Variants in CCPG1 observed in about 807,000 individuals in gnomAD.
CCPG1 encodes cell cycle progression protein 1.
Under a neutral mutation model 81.3 loss-of-function variants are expected in CCPG1, and 46 were observed. The observed-to-expected ratio is 0.57, with a 90% confidence interval of 0.45 to 0.72. CCPG1 has a LOEUF of 0.72. Among genes scored for constraint, CCPG1 ranks in the 30% least tolerant of loss-of-function variants. The pLI, the probability that CCPG1 is intolerant of heterozygous loss-of-function variation, is 0.00. For missense variants in CCPG1, 902 were observed against 937.6 expected, an observed-to-expected ratio of 0.96 and a Z score of 0.50; for synonymous variants, 330 against 305.2, an observed-to-expected ratio of 1.08 and a Z score of -0.85.
At chr15:55,363,745 A>T (rs1198350934) in intron 7 of CCPG1, among the ~76,000 whole-genome samples, 1 of 148,496 alleles carries the variant, frequency 6.7e-6, no homozygotes, top group Admixed American at 6.7e-5. Flanking sequence ...AAGTGTGAGA[A>T]TTGGGGGTGG....
chr15:55,362,380 A>G (rs1452675934), intron 7 of CCPG1, among the ~76,000 whole-genome samples: 4 of 152,150 alleles, frequency 2.6e-5, no homozygotes, highest in Non-Finnish European at 4.4e-5. Flanking sequence ...TGACACTAAT[A>G]TACACTTGAA....
intron 3 of CCPG1, among the ~76,000 whole-genome samples, chr15:55,385,269 G>A (rs1469058709): frequency 2.6e-5 from 4 of 152,152 alleles, no homozygotes; most frequent in South Asian, 4.1e-4. Flanking sequence ...AGGTTCAAGC[G>A]ATTCTCCTGC....
chr15:55,404,530 C>T (rs1241238752), intron 1 of CCPG1, among the ~76,000 whole-genome samples: 2 of 152,102 alleles, frequency 1.3e-5, no homozygotes, highest in African/African-American at 4.8e-5. Flanking sequence ...TGGTTCTGAA[C>T]GTGATTCAAT....
chr15:55,374,145 G>T (rs1323018355), intron 5 of CCPG1: 1 of 1,283,644 alleles, frequency 7.8e-7, no homozygotes, highest in Non-Finnish European at 1.0e-6. Context: ...GTCAGATTTA[G>T]TCACACCACC....
At chr15:55,356,947 C>T in intron 8 of CCPG1, 1 of 985,630 alleles carries the variant, frequency 1.0e-6, no homozygotes, top group Non-Finnish European at 1.2e-6. Flanking sequence ...TTCCGCACAT[C>T]AACTTTTTAA....
rs531476250 is a variant in CCPG1, at chr15:55,376,714, T to C, written c.454+235A>G. On this transcript the variant is annotated intron_variant, in intron 5 of 8. Coordinates refer to ENST00000442196, the MANE Select transcript of CCPG1 (RefSeq NM_001204450.2). The stretch of plus-strand genomic sequence containing the variant: ...TTTAACAAATCTCACTGAAGCAATT[T>C]TGTCTTCTATTTAATGGCAAAAGAT... 3.3e-5 allele frequency among the ~76,000 whole-genome samples: 5 copies of C among 152,304 alleles called. No homozygotes were observed. The South Asian group carries it at 1.0e-3, about 32-fold the overall frequency.
Position 55,376,974 on chromosome 15 carries a change from C to T in CCPG1, c.429G>A (p.Gln143=), listed in dbSNP as rs751212726. 5.6e-6 allele frequency: 9 copies of T among 1,613,206 alleles called. No homozygotes were observed. In the African/African-American group the frequency reaches 1.2e-4, roughly 22 times the overall value. Residue 143 remains glutamine (Q), a synonymous_variant, in exon 5 of 9, where the codon CAG becomes CAA. Coordinates refer to ENST00000442196, the MANE Select transcript of CCPG1 (RefSeq NM_001204450.2). The part of the protein sequence containing the change: ...DFNMGSSSSS[Q]YTFCQPETVF... ...CAGTTTCTGGCTGACAGAAAGTATA[C>T]TGGCTGCTAGAGGAAGAGCCCATGT...
At chr15:55,406,142 G>A (rs899141497) in intron 1 of CCPG1, among the ~76,000 whole-genome samples, 1 of 152,146 alleles carries the variant, frequency 6.6e-6, no homozygotes, top group East Asian at 1.9e-4. Context: ...TGGGATTACA[G>A]GCATGAGCCA....
intron 6 of CCPG1, among the ~76,000 whole-genome samples, chr15:55,369,511 G>A (rs2056404277): frequency 6.6e-6 from 1 of 151,650 alleles, no homozygotes; most frequent in African/African-American, 2.4e-5. Flanking sequence ...TCCAGCCTGG[G>A]CAACAAGAGC....
At chr15:55,405,535 ACT>A (rs1206342085) in intron 1 of CCPG1, among the ~76,000 whole-genome samples, 1 of 151,738 alleles carries the variant, frequency 6.6e-6, no homozygotes, top group African/African-American at 2.4e-5. Context: ...ATAGAGCAAG[ACT>A]CTGTCTCAAA....
At chr15:55,397,919 G>A (rs190718811) in intron 1 of CCPG1, among the ~76,000 whole-genome samples, 32 of 152,158 alleles carry the variant, frequency 2.1e-4, no homozygotes, top group Non-Finnish European at 3.8e-4. Context: ...GGAGGTTGCA[G>A]TGAGCCGAGA....
chr15:55,368,657 G>A (rs1214707426), intron 6 of CCPG1, among the ~76,000 whole-genome samples: 3 of 152,138 alleles, frequency 2.0e-5, no homozygotes, highest in Admixed American at 6.6e-5. Context: ...TAAAACTTCT[G>A]GAAGCATTTT....
intron 1 of CCPG1, chr15:55,399,702 A>C (rs1044533841): frequency 6.6e-6 from 1 of 152,228 alleles, no homozygotes; most frequent in Non-Finnish European, 1.5e-5. Flanking sequence ...AGTAATTCAA[A>C]TTATCTAGGT....
At position 55,359,728 on chromosome 15, in the gene CCPG1, T is replaced by C. The variant is rs191441883; in HGVS notation, c.2045A>G (p.Asn682Ser). 4.2e-3 allele frequency: 6,830 copies of C among 1,613,632 alleles called. 33 individuals are homozygous for C. Among genetic ancestry groups the C allele is most frequent in the South Asian group, 5.4e-3 (489 of 91,078 alleles). Residue 682 changes from asparagine (N) to serine (S), a missense_variant, in exon 8 of 9, where the codon AAT becomes AGT. Around this residue, in one of 3 missense-constraint regions of CCPG1, gnomAD observed 128 missense variants for 161.2 expected, o/e 0.79. Transcript: ENST00000442196. Reference protein sequence around the residue: ...CHWNELDQFINKFFLNGVFIH... With the variant: ...CHWNELDQFISKFFLNGVFIH... ...AAAGACACCGTTTAGGAAAAACTTATTGATGAACTGATCAAGTTCGTTCCA... is the reference window on the plus strand; with the variant it reads ...AAAGACACCGTTTAGGAAAAACTTACTGATGAACTGATCAAGTTCGTTCCA...
chr15:55,391,358 C>T (rs954044984), intron 1 of CCPG1, among the ~76,000 whole-genome samples: 4 of 152,172 alleles, frequency 2.6e-5, no homozygotes, highest in Admixed American at 1.3e-4. Context: ...TCAAGCAATC[C>T]GCCCTCCTCA....
chr15:55,399,545 T>C (rs1377015289), intron 1 of CCPG1, among the ~76,000 whole-genome samples: 4 of 151,798 alleles, frequency 2.6e-5, no homozygotes, highest in Non-Finnish European at 5.9e-5. Context: ...GCCAAGATTG[T>C]GCCACTGCAC....
intron 1 of CCPG1, among the ~76,000 whole-genome samples, chr15:55,401,913 T>G (rs2057137003): frequency 6.6e-6 from 1 of 152,204 alleles, no homozygotes; most frequent in South Asian, 2.1e-4. Context: ...ATGGCTGAAG[T>G]AATTTAATTG....
chr15:55,407,690 G>A lies in CCPG1; in HGVS notation c.-10+531C>T, dbSNP rs2057264427. On this transcript the variant is annotated intron_variant, in intron 1 of 8. Coordinates refer to ENST00000442196, the MANE Select transcript of CCPG1 (RefSeq NM_001204450.2). The stretch of plus-strand genomic sequence containing the variant: ...GCCACTGGAACTGGAGAAGGATATG[G>A]AGAGGTATTTGATCATCATCAGGCT... 3.3e-5 allele frequency among the ~76,000 whole-genome samples: 5 copies of A among 152,350 alleles called. No homozygotes were observed. In the South Asian group the frequency reaches 8.3e-4, roughly 25 times the overall value.
chr15:55,393,540 G>A (rs902147810), intron 1 of CCPG1, among the ~76,000 whole-genome samples: 1 of 152,190 alleles, frequency 6.6e-6, no homozygotes, highest in South Asian at 2.1e-4. Context: ...ATGAGCATCT[G>A]AACTTAACCA....
Sources: gnomAD v4.1 joint callset for allele counts (sites outside exome capture counted in the v4.1 genomes callset) on GRCh38, gnomAD v4.1.1 for gene constraint, gnomAD v4.1.1 regional missense constraint, MANE v1.5 for transcripts, NCBI Gene and HGNC (gene_info 2026-07-23, HGNC 2026-07-21) for gene names.